DNAH5: variants seen among roughly 807,000 people sequenced by gnomAD.
DNAH5 encodes axonemal beta dynein heavy chain 5.
Under a neutral mutation model 518.2 loss-of-function variants are expected in DNAH5, and 372 were observed. The ratio of observed to expected loss-of-function variants is 0.72; its 90% confidence interval spans 0.66 to 0.78. The LOEUF (loss-of-function observed/expected upper bound fraction) is 0.78, where lower values mean the gene tolerates loss of function less well. Among genes scored for constraint, DNAH5 ranks in the 30% least tolerant of loss-of-function variants. DNAH5 has a pLI of 0.00. For synonymous variants in DNAH5, 2,039 were observed against 2,025.9 expected, an observed-to-expected ratio of 1.01 and a Z score of -0.17; for missense variants, 5,523 against 5,687.0, an observed-to-expected ratio of 0.97 and a Z score of 0.93.
At chr5:13,754,496 A>G (rs1393184484) in intron 61 of DNAH5, among the ~76,000 whole-genome samples, 158 bp from the exon 62 acceptor site, 1 of 152,152 alleles carries the variant, frequency 6.6e-6, no homozygotes, top group Non-Finnish European at 1.5e-5. Context: ...TGTGTCTGTC[A>G]GCCCAGTCCT....
intron 58 of DNAH5, among the ~76,000 whole-genome samples, chr5:13,768,470 G>A (rs997812890): frequency 2.0e-5 from 3 of 152,184 alleles, no homozygotes; most frequent in Non-Finnish European, 2.9e-5. Context: ...TGTGAACACA[G>A]ACTAATACAC....
chr5:13,734,013 A>T (rs1746984917), intron 68 of DNAH5, among the ~76,000 whole-genome samples: 1 of 151,962 alleles, frequency 6.6e-6, no homozygotes, highest in Non-Finnish European at 1.5e-5. Flanking sequence ...TCTCCCCAAA[A>T]CTCATATGTT....
chr5:13,914,104 G>A (rs1776361198), intron 10 of DNAH5, 146 bp from the exon 11 acceptor site: 2 of 1,005,560 alleles, frequency 2.0e-6, no homozygotes, highest in African/African-American at 3.3e-5. Context: ...TCATCAGCCT[G>A]GAAAATCATC....
intron 13 of DNAH5, 36 bp from the exon 14 acceptor site, chr5:13,901,609 G>T: frequency 7.5e-7 from 1 of 1,339,534 alleles, no homozygotes; most frequent in South Asian, 1.3e-5. Context: ...TTGAATTAAT[G>T]GAATAAAATA....
At chr5:13,945,049 C>A (rs1021337833), upstream of DNAH5, among the ~76,000 whole-genome samples, 2 of 152,210 alleles carry the variant, frequency 1.3e-5, no homozygotes, top group Non-Finnish European at 2.9e-5. Flanking sequence ...CCATAGGAGC[C>A]ATTTTCTCCA....
At position 13,866,138 on chromosome 5, in the gene DNAH5, C is replaced by A. The variant is rs1769209497; in HGVS notation, c.4116+82G>T. On this transcript the variant is annotated intron_variant, in intron 26 of 78. Coordinates refer to ENST00000265104, the MANE Select transcript of DNAH5 (RefSeq NM_001369.3). ...CATATTCCACAATAGGGCCCTCTAT[C>A]TTACAAAGAAGAAAACATATGTGTG... is the stretch of plus-strand genomic sequence containing the variant. 24 of 1,356,722 alleles carry A rather than the reference C, an allele frequency of 1.8e-5. 1 individual carries two copies. The South Asian group carries it at 3.0e-4, about 17-fold the overall frequency. 84.0% of individuals were successfully genotyped at this position (1,356,722 alleles called of 1,614,324 possible).
At chr5:13,810,836 T>C (rs965565848) in intron 44 of DNAH5, among the ~76,000 whole-genome samples, 1 of 151,702 alleles carries the variant, frequency 6.6e-6, no homozygotes, top group Non-Finnish European at 1.5e-5. Context: ...AACCTAAGTG[T>C]CCATCAACAG....
At chr5:13,878,980 G>A (rs1405901260) in intron 21 of DNAH5, among the ~76,000 whole-genome samples, 8 of 152,190 alleles carry the variant, frequency 5.3e-5, no homozygotes, top group African/African-American at 1.9e-4. Flanking sequence ...GGTACTGACA[G>A]GACATATCAT....
At position 13,788,783 on chromosome 5, in the gene DNAH5, T is replaced by A; in HGVS notation, c.8580A>T (p.Lys2860Asn). ...LVEEEFGEEK[K>N]LLVDCGIDTY... Reference sequence around the variant, plus strand: ...TGTCAATTCCACAATCCACCAAGAGTTTTTTCTCTTCACCAAACTCCTCCT... The same window carrying A: ...TGTCAATTCCACAATCCACCAAGAGATTTTTCTCTTCACCAAACTCCTCCT... The change falls in exon 51 of 79, where the codon AAA becomes AAT. Residue 2860 changes from lysine to asparagine, a missense_variant. By Grantham distance (94) the Lys-to-Asn change is moderately conservative. Around this residue, in one of 3 missense-constraint regions of DNAH5, gnomAD observed 5,121 missense variants for 5,223.3 expected, o/e 0.98. Transcript: ENST00000265104. 6.2e-7 allele frequency: 1 copy of A among 1,613,582 alleles called. No individual in the cohort carries two copies. The highest frequency in any genetic ancestry group is 8.5e-7 in the Non-Finnish European group (1 of 1,179,880).
Position 13,891,003 on chromosome 5 carries a change from G to A in DNAH5, c.2550C>T (p.Thr850=), listed in dbSNP as rs1199365667. 1.9e-6 allele frequency: 3 copies of A among 1,614,152 alleles called. No homozygotes were observed. Among genetic ancestry groups the A allele is most frequent in the Non-Finnish European group, 2.5e-6 (3 of 1,179,998 alleles). ...LCQLPQEEPL[T]CEEFLQMTKD... is the part of the protein sequence containing the mutation. ...TTGTCATTTGGAGAAACTCTTCACA[G>A]GTTAGTGGCTCCTCCTGGGGAAGCT... The change falls in exon 17 of 79, where the codon ACC becomes ACT. Residue 850 remains threonine, a synonymous_variant. Coordinates refer to ENST00000265104, the MANE Select transcript of DNAH5 (RefSeq NM_001369.3).
intron 42 of DNAH5, 95 bp downstream of exon 42, chr5:13,817,453 T>C: frequency 7.8e-7 from 1 of 1,280,862 alleles, no homozygotes; most frequent in Admixed American, 1.8e-5. Context: ...TAAGATATTA[T>C]ACAGCAAATA....
intron 62 of DNAH5, 31 bp downstream of exon 62, chr5:13,754,172 C>A (rs369304370): frequency 2.5e-6 from 4 of 1,613,696 alleles, no homozygotes; most frequent in Non-Finnish European, 2.5e-6. Flanking sequence ...ACAGTCAACA[C>A]ACAATCTCAT....
intron 56 of DNAH5, 81 bp downstream of exon 56, chr5:13,770,668 C>T: frequency 7.6e-7 from 1 of 1,322,794 alleles, no homozygotes; most frequent in East Asian, 2.4e-5. Flanking sequence ...CCGGTCATTG[C>T]AAAATAGCCA....
rs925898335 is a variant in DNAH5, at chr5:13,964,521, C to T, written c.13-33277G>A. ...GAGGCAGAGAGATCGCTCAAGGTCA[C>T]ACTGGAGGACGTGGACTCCAGCTGC... On this transcript the variant is annotated intron_variant, in intron 1 of 78. Coordinates refer to the DNAH5 transcript ENST00000681290. Among the ~76,000 whole-genome samples the T allele has an allele frequency of 7.9e-5, 12 of 152,364 alleles. No individual in the cohort carries two copies. In the East Asian group the frequency reaches 2.1e-3, roughly 27 times the overall value.
intron 75 of DNAH5, among the ~76,000 whole-genome samples, chr5:13,713,434 CATAT>C (rs200836910): frequency 0.13 from 9,310 of 70,530 alleles, 709 homozygotes; most frequent in East Asian, 0.33. Flanking sequence ...TATACATCGA[CATAT>C]ATATATATAT....
chr5:13,912,088 T>C (rs1002470442), intron 11 of DNAH5, among the ~76,000 whole-genome samples: 7 of 152,168 alleles, frequency 4.6e-5, no homozygotes, highest in Admixed American at 1.3e-4. Flanking sequence ...AGGAAGTTCA[T>C]CTCCTTGAAA....
At chr5:13,817,788 G>A (rs1761649995) in intron 41 of DNAH5, 94 bp from the exon 42 acceptor site, 5 of 1,212,056 alleles carry the variant, frequency 4.1e-6, no homozygotes, top group South Asian at 1.3e-5. Context: ...CTGTCAGCAG[G>A]TGCTCAAAAT....
intron 1 of DNAH5, among the ~76,000 whole-genome samples, chr5:13,951,208 G>T (rs200068474): frequency 5.6e-4 from 37 of 66,530 alleles, no homozygotes; most frequent in South Asian, 1.6e-3. Context: ...TGTTTTTTTC[G>T]TTTTTTTTTT....
At chr5:13,709,523 G>A (rs1392014758) in intron 75 of DNAH5, among the ~76,000 whole-genome samples, 1 of 152,068 alleles carries the variant, frequency 6.6e-6, no homozygotes, top group Non-Finnish European at 1.5e-5. Context: ...TGTTAAAAAA[G>A]AAAACACCTG....
Sources: gnomAD v4.1 joint callset for allele counts (sites outside exome capture counted in the v4.1 genomes callset) on GRCh38, gnomAD v4.1.1 for gene constraint, gnomAD v4.1.1 regional missense constraint, MANE v1.5 for transcripts, NCBI Gene and HGNC (gene_info 2026-07-23, HGNC 2026-07-21) for gene names.